NRXN1: variants seen among roughly 807,000 people sequenced by gnomAD.
NRXN1 encodes neurexin 1, also known as neurexin-1.
NRXN1 carries 39 observed loss-of-function variants against 150.9 expected under a neutral mutation model. The observed-to-expected ratio is 0.26, with a 90% CI of 0.20 to 0.34. The LOEUF is 0.34. Among genes scored for constraint, NRXN1 ranks in the 10% least tolerant of loss-of-function variants. NRXN1 has a pLI of 1.00. For missense variants in NRXN1, 1,815 were observed against 1,949.9 expected (o/e 0.93, Z 1.30); for synonymous variants, 924 against 757.0 (o/e 1.22, Z -3.62).
intron 18 of NRXN1, among the ~76,000 whole-genome samples, chr2:50,162,976 A>T (rs2059449731): frequency 6.6e-6 from 1 of 151,856 alleles, no homozygotes; most frequent in East Asian, 1.9e-4. Flanking sequence ...ATTCTTCTTC[A>T]TTATTTGTGT....
chr2:50,148,449 T>G (rs535822347), intron 18 of NRXN1, among the ~76,000 whole-genome samples: 3 of 151,258 alleles, frequency 2.0e-5, no homozygotes, highest in Non-Finnish European at 4.4e-5. Flanking sequence ...CACAAATACA[T>G]GAAGGGCAAA....
Position 50,329,671 on chromosome 2 carries a change from ATAT to A in NRXN1, c.3365-92704_3365-92702del, listed in dbSNP as rs1558537426. The stretch of plus-strand genomic sequence containing the variant: ...TATATATATATATATATATATATAT[ATAT>A]TTTTTTTTTTCCCCCCCGAGACGGA... On this transcript the variant is annotated intron_variant, in intron 17 of 22. Transcript: ENST00000401669. 3.9e-3 allele frequency among the ~76,000 whole-genome samples: 81 copies of A among 20,668 alleles called. 5 individuals are homozygous for A. Among genetic ancestry groups the A allele is most frequent in the East Asian group, 0.023 (8 of 346 alleles). 13.6% of individuals were successfully genotyped at this position (20,668 alleles called of 152,430 possible).
intron 2 of NRXN1, among the ~76,000 whole-genome samples, chr2:51,017,079 G>A (rs993760615): frequency 6.6e-6 from 1 of 150,914 alleles, no homozygotes; most frequent in African/African-American, 2.4e-5. Context: ...ACAGGGAGGG[G>A]AACAGCACAC....
chr2:50,893,303 T>C (rs1361811140), intron 5 of NRXN1, among the ~76,000 whole-genome samples: 1 of 152,184 alleles, frequency 6.6e-6, no homozygotes, highest in East Asian at 1.9e-4. Context: ...TTATAGTATA[T>C]GACTAATGCC....
At chr2:51,017,116 C>T (rs1002793640) in intron 2 of NRXN1, among the ~76,000 whole-genome samples, 1 of 150,582 alleles carries the variant, frequency 6.6e-6, no homozygotes, top group Non-Finnish European at 1.5e-5. Flanking sequence ...GGGTGGGGGT[C>T]TAGGGGAGGG....
At chr2:50,430,933 C>G (rs1249318137) in intron 17 of NRXN1, among the ~76,000 whole-genome samples, 1 of 152,154 alleles carries the variant, frequency 6.6e-6, no homozygotes, top group Admixed American at 6.5e-5. Context: ...AGAAAATACA[C>G]TAATGCCTCA....
At chr2:50,763,292 A>G (rs546990863) in intron 5 of NRXN1, among the ~76,000 whole-genome samples, 3 of 152,108 alleles carry the variant, frequency 2.0e-5, no homozygotes, top group Non-Finnish European at 2.9e-5. Context: ...CATTTGTATC[A>G]GACAGCTGGT....
chr2:50,508,079 A>T (rs1457510707), intron 12 of NRXN1, among the ~76,000 whole-genome samples: 1 of 152,132 alleles, frequency 6.6e-6, no homozygotes, highest in Non-Finnish European at 1.5e-5. Context: ...ACATGAGATC[A>T]TTGTTTTCTT....
At chr2:50,910,123 C>A (rs1201008627) in intron 5 of NRXN1, among the ~76,000 whole-genome samples, 2 of 151,856 alleles carry the variant, frequency 1.3e-5, no homozygotes, top group South Asian at 2.1e-4. Flanking sequence ...CATTTTACTT[C>A]CTTTCTCAAC....
chr2:50,612,239 T>C (rs1454657103), intron 8 of NRXN1, among the ~76,000 whole-genome samples: 1 of 114,962 alleles, frequency 8.7e-6, no homozygotes, highest in Non-Finnish European at 2.0e-5. Context: ...TGTACCTCTT[T>C]TCATGCTTAG....
rs1389296390 is a variant in NRXN1, at chr2:50,447,759, A to AT, written c.3364+17682dup. 1.8e-5 allele frequency among the ~76,000 whole-genome samples: 2 copies of AT among 111,124 alleles called. 1 individual carries two copies. The highest frequency in any genetic ancestry group is 8.4e-5 in the African/African-American group (2 of 23,942). 72.9% of individuals were successfully genotyped at this position (111,124 alleles called of 152,430 possible). ...ACGTTATATATATATATATATATAT[A>AT]TATATATATATATATATATACCTAA... On this transcript the variant is annotated intron_variant, in intron 17 of 22. Transcript: ENST00000401669.
chr2:50,733,934 G>C (rs1376649895), intron 5 of NRXN1, among the ~76,000 whole-genome samples: 1 of 152,060 alleles, frequency 6.6e-6, no homozygotes, highest in African/African-American at 2.4e-5. Flanking sequence ...ATATGTGTGG[G>C]AGGTATAGTT....
At chr2:50,091,296 T>C (rs1381797322) in intron 19 of NRXN1, 27 bp downstream of exon 19, 1 of 1,613,258 alleles carries the variant, frequency 6.2e-7, no homozygotes, top group Non-Finnish European at 8.5e-7. Context: ...CATAAAATCT[T>C]CCCCCGATAC....
intron 17 of NRXN1, among the ~76,000 whole-genome samples, chr2:50,419,197 C>T (rs1251519392): frequency 6.6e-6 from 1 of 152,066 alleles, no homozygotes; most frequent in Non-Finnish European, 1.5e-5. Context: ...ACTCTTAAGG[C>T]AATGAACTGC....
intron 18 of NRXN1, among the ~76,000 whole-genome samples, chr2:50,125,016 A>T (rs1487395817): frequency 6.6e-6 from 1 of 152,168 alleles, no homozygotes; most frequent in Non-Finnish European, 1.5e-5. Context: ...ATATGTATGT[A>T]AGTAATATGT....
At chr2:50,278,246 A>ATATATAT (rs2070851958) in intron 17 of NRXN1, among the ~76,000 whole-genome samples, 1 of 120,818 alleles carries the variant, frequency 8.3e-6, no homozygotes, top group African/African-American at 3.2e-5. Flanking sequence ...TATATAATAT[A>ATATATAT]TATATATATT....
intron 17 of NRXN1, among the ~76,000 whole-genome samples, chr2:50,382,334 T>C (rs917022642): frequency 2.0e-5 from 3 of 152,214 alleles, no homozygotes; most frequent in Non-Finnish European, 4.4e-5. Context: ...AGTCTTCTCA[T>C]AATATTGGAG....
At chr2:50,998,032 G>T (rs138966215) in intron 2 of NRXN1, among the ~76,000 whole-genome samples, 2 of 141,456 alleles carry the variant, frequency 1.4e-5, no homozygotes, top group Admixed American at 6.8e-5. Flanking sequence ...CTGGGAAATA[G>T]AAATAGGGTC....
intron 5 of NRXN1, among the ~76,000 whole-genome samples, chr2:50,736,314 G>A (rs1259208713): frequency 6.6e-6 from 1 of 152,060 alleles, no homozygotes; most frequent in Non-Finnish European, 1.5e-5. Context: ...AGTTTTCTCA[G>A]ATCCCTTCAC....
Sources: allele counts gnomAD v4.1 joint callset (sites outside exome capture counted in the v4.1 genomes callset), GRCh38; gene constraint gnomAD v4.1.1; transcripts MANE v1.5; gene names NCBI Gene and HGNC (gene_info 2026-07-23, HGNC 2026-07-21).